TGM3: variants seen among roughly 807,000 people sequenced by gnomAD.
TGM3 encodes protein-glutamine gamma-glutamyltransferase E.
In TGM3, 52 loss-of-function variants were observed where a neutral mutation model predicts 73.8. The ratio of observed to expected loss-of-function variants is 0.70; its 90% CI spans 0.56 to 0.89. TGM3 has a LOEUF of 0.89. Ranked by LOEUF, TGM3 falls within the 40% of genes least tolerant of loss-of-function variation. The pLI is 0.00. For missense variants in TGM3, 928 were observed against 909.9 expected (o/e 1.02, Z -0.26); for synonymous variants, 372 against 354.9 (o/e 1.05, Z -0.54).
At chr20:2,329,040 T>C (rs577756583) in intron 9 of TGM3, among the ~76,000 whole-genome samples, 1 of 152,352 alleles carries the variant, frequency 6.6e-6, no homozygotes, top group South Asian at 2.1e-4. Context: ...TTCTCAATGA[T>C]GATAAAAGTT....
intron 2 of TGM3, 147 bp from the exon 3 acceptor site, chr20:2,310,031 C>G (rs1161242374): frequency 7.2e-7 from 1 of 1,384,944 alleles, no homozygotes; most frequent in Non-Finnish European, 9.9e-7. Context: ...AGGGATCTGG[C>G]CTGTATGTTT....
chr20:2,311,377 C>T (rs914819208), intron 4 of TGM3, among the ~76,000 whole-genome samples: 1 of 152,178 alleles, frequency 6.6e-6, no homozygotes, highest in Non-Finnish European at 1.5e-5. Flanking sequence ...CAAGACAGAA[C>T]ACACACATAA....
At chr20:2,315,642 T>A (rs2084229498) in intron 5 of TGM3, among the ~76,000 whole-genome samples, 1 of 152,240 alleles carries the variant, frequency 6.6e-6, no homozygotes, top group Non-Finnish European at 1.5e-5. Context: ...GAGATCCTGG[T>A]CCAGCCTCTC....
Position 2,340,517 on chromosome 20 carries a change from C to A in TGM3, c.2018C>A (p.Ala673Asp), listed in dbSNP as rs146717993. 1 of 1,614,076 alleles carries A rather than the reference C, an allele frequency of 6.2e-7. No homozygotes were observed. Among genetic ancestry groups the A allele is most frequent in the African/African-American group, 1.3e-5 (1 of 74,926 alleles). Residue 673 changes from alanine to aspartate, a missense_variant, in exon 13 of 13, where the codon GCC (alanine) becomes GAC (aspartate). Coordinates refer to ENST00000381458, the MANE Select transcript of TGM3 (RefSeq NM_003245.4). ...CGGAGTGGCACCAAGCAACTGCTCG[C>A]CGACTTCTCCTGCAACAAGTTCCCT... Reference protein sequence around the residue: ...PSRSGTKQLLADFSCNKFPAI... With the variant: ...PSRSGTKQLLDDFSCNKFPAI...
At position 2,310,142 on chromosome 20, in the gene TGM3, C is replaced by T. The variant is rs368178891; in HGVS notation, c.182-36C>T. ...TGGTCTCTCCACAGTCTGACCAGTG[C>T]TTGTTGGTTTTCTCAACCTCTGTCT... On this transcript the variant is annotated intron_variant, in intron 2 of 12. Transcript: ENST00000381458. 82 of 1,612,334 alleles carry T rather than the reference C, an allele frequency of 5.1e-5. 1 individual carries two copies. In the South Asian group the frequency reaches 8.7e-4, roughly 17 times the overall value.
At chr20:2,297,392 T>G (rs920503635) in intron 1 of TGM3, among the ~76,000 whole-genome samples, 1 of 152,208 alleles carries the variant, frequency 6.6e-6, no homozygotes, top group African/African-American at 2.4e-5. Context: ...GTTTTCAAGA[T>G]GAAAGCTTTG....
At chr20:2,313,745 C>A (rs1279603593) in intron 5 of TGM3, among the ~76,000 whole-genome samples, 1 of 152,170 alleles carries the variant, frequency 6.6e-6, no homozygotes, top group Non-Finnish European at 1.5e-5. Context: ...TATCTCCAAC[C>A]AGTCTGGGCG....
rs1250879687 is a variant in TGM3 at position 2,332,146 on chromosome 20, T to C, written c.1478T>C (p.Leu493Pro). The change falls in exon 10 of 13, where the codon CTG becomes CCG. Residue 493 changes from leucine (L) to proline (P), a missense_variant. Transcript: ENST00000381458. This position sits in a 1 kb window ranked among gnomAD's most constrained non-coding sequence, Gnocchi z 4.4. ...GGGAAGCTGAAGGTCGCTGGCATGC[T>C]GGCAGTAGGCAAAGAAGTCAACCTG... ...IIGKLKVAGM[L>P]AVGKEVNLVL... 2 of 1,614,218 alleles carry C rather than the reference T, an allele frequency of 1.2e-6. No individual in the cohort carries two copies. The highest frequency in any genetic ancestry group is 2.2e-5 in the South Asian group (2 of 91,086).
At chr20:2,324,891 C>T (rs1029759925) in intron 7 of TGM3, among the ~76,000 whole-genome samples, 13 of 152,174 alleles carry the variant, frequency 8.5e-5, no homozygotes, top group African/African-American at 3.1e-4. Flanking sequence ...CATTTTTTTC[C>T]CCACAGTTTA....
At chr20:2,325,551 A>G (rs2084282190) in intron 7 of TGM3, among the ~76,000 whole-genome samples, 1 of 152,114 alleles carries the variant, frequency 6.6e-6, no homozygotes, top group Non-Finnish European at 1.5e-5. Context: ...CAAGGCTTTG[A>G]CTTTTGAGTT....
At chr20:2,316,927 C>T in intron 5 of TGM3, 141 bp from the exon 6 acceptor site, 2 of 985,456 alleles carry the variant, frequency 2.0e-6, no homozygotes, top group South Asian at 1.5e-5. Context: ...CCCCAAGTCA[C>T]CTAGAAAGAC....
intron 1 of TGM3, among the ~76,000 whole-genome samples, chr20:2,298,125 G>A (rs1477811484): frequency 6.6e-6 from 1 of 152,108 alleles, no homozygotes; most frequent in Admixed American, 6.6e-5. Flanking sequence ...GTGACCCAGG[G>A]GACTATCGGG....
chr20:2,303,398 G>A (rs751309575), intron 1 of TGM3, among the ~76,000 whole-genome samples: 29 of 152,130 alleles, frequency 1.9e-4, no homozygotes, highest in Non-Finnish European at 3.8e-4. Context: ...GGGGATAGGC[G>A]GAAATGGGGA....
chr20:2,328,554 G>T lies in TGM3; in HGVS notation c.1333+189G>T, dbSNP rs906975384. 3.3e-5 allele frequency among the ~76,000 whole-genome samples: 5 copies of T among 152,158 alleles called. No individual in the cohort carries two copies. Among genetic ancestry groups the T allele is most frequent in the African/African-American group, 1.2e-4 (5 of 41,438 alleles). ...TTTCCGGAGGGAACAAAACCATCAC[G>T]GGCAGCTGTTGTGCCAGTGGAAGTT... On this transcript the variant is annotated intron_variant, in intron 9 of 12. Coordinates refer to ENST00000381458, the MANE Select transcript of TGM3 (RefSeq NM_003245.4). This position sits in a 1 kb window ranked among gnomAD's most constrained non-coding sequence, Gnocchi z 5.2.
At chr20:2,333,999 C>G (rs1279468134) in intron 10 of TGM3, among the ~76,000 whole-genome samples, 1 of 152,204 alleles carries the variant, frequency 6.6e-6, no homozygotes, top group Non-Finnish European at 1.5e-5. Flanking sequence ...ACAGTCTTAC[C>G]TACAAGAGTA....
In TGM3 at chr20:2,317,147, G is replaced by T. The variant is rs1325395877; in HGVS notation, c.749G>T (p.Trp250Leu). 1 of 1,614,090 alleles carries T rather than the reference G, an allele frequency of 6.2e-7. No individual in the cohort carries two copies. Among genetic ancestry groups the T allele is most frequent in the Admixed American group, 1.7e-5 (1 of 60,018 alleles). Reference sequence around the variant, plus strand: ...ACCGGTGGCCGGGACCCAAGGAGCTGGAACGGCAGCGTGGAGATCCTCAAA... The same window carrying T: ...ACCGGTGGCCGGGACCCAAGGAGCTTGAACGGCAGCGTGGAGATCCTCAAA... ...TYTGGRDPRSWNGSVEILKNW... is the reference protein window; with the variant it reads ...TYTGGRDPRSLNGSVEILKNW... Residue 250 changes from tryptophan (W) to leucine (L), a missense_variant, in exon 6 of 13, where the codon TGG becomes TTG. Trp to Leu is a moderately conservative substitution (Grantham distance 61). Coordinates refer to ENST00000381458, the MANE Select transcript of TGM3 (RefSeq NM_003245.4).
In TGM3 at chr20:2,334,268, C is replaced by G. The variant is rs1421999790; in HGVS notation, c.1643-848C>G. ...TGCAGAACAAGAAGTGTGGAAGGTTCTTTTAAGGGACAGGTGATGCAGGGC... is the reference window on the plus strand; with the variant it reads ...TGCAGAACAAGAAGTGTGGAAGGTTGTTTTAAGGGACAGGTGATGCAGGGC... On this transcript the variant is annotated intron_variant, in intron 10 of 12. Coordinates refer to ENST00000381458, the MANE Select transcript of TGM3 (RefSeq NM_003245.4). The surrounding 1 kb of genome is among the most constrained non-coding windows in gnomAD (Gnocchi z 4.0). Among the ~76,000 whole-genome samples the G allele has an allele frequency of 6.6e-6, 1 of 152,122 alleles. No homozygotes were observed. The highest frequency in any genetic ancestry group is 2.4e-5 in the African/African-American group (1 of 41,422).
chr20:2,325,937 C>T lies in TGM3; in HGVS notation c.1072C>T (p.Gln358Ter). 6.3e-7 allele frequency: 1 copy of T among 1,593,846 alleles called. No individual in the cohort carries two copies. Among genetic ancestry groups the T allele is most frequent in the Non-Finnish European group, 8.6e-7 (1 of 1,168,944 alleles). ...GGWQVLDATP[Q>*]ERSQGVFQCG... ...ATGGCAGGTGTTGGATGCTACCCCG[C>T]AGGAAAGAAGCCAAGGTAACTTCTC... Residue 358 changes from glutamine to a stop codon, truncating the protein, a stop_gained, in exon 8 of 13, where the codon CAG (glutamine) becomes TAG (stop). Coordinates refer to ENST00000381458, the MANE Select transcript of TGM3 (RefSeq NM_003245.4). LOFTEE classifies it high-confidence loss of function.
intron 5 of TGM3, among the ~76,000 whole-genome samples, chr20:2,314,584 C>T (rs369830103): frequency 6.7e-6 from 1 of 148,410 alleles, no homozygotes; most frequent in Non-Finnish European, 1.5e-5. Context: ...AGCCAGGCAT[C>T]GTGACACATG....
Sources: gnomAD v4.1 joint callset for allele counts (sites outside exome capture counted in the v4.1 genomes callset) on GRCh38, gnomAD v4.1.1 for gene constraint, Gnocchi (gnomAD v3.1) non-coding constraint, MANE v1.5 for transcripts, NCBI Gene and HGNC (gene_info 2026-07-23, HGNC 2026-07-21) for gene names.